Variants in DIAPH3 observed in about 807,000 individuals in gnomAD.
The protein encoded by DIAPH3 is protein diaphanous homolog 3.
Under a neutral mutation model 144.3 loss-of-function variants are expected in DIAPH3, and 117 were observed. That is an observed-to-expected ratio of 0.81 (90% CI 0.70 to 0.95). The LOEUF is 0.95. Among genes scored for constraint, DIAPH3 ranks in the 40% least tolerant of loss-of-function variants. The probability of loss-of-function intolerance (pLI) is 0.00; values close to 1 mark genes in which losing one functional copy is unlikely to be tolerated. For synonymous variants in DIAPH3, 519 were observed against 488.9 expected, an observed-to-expected ratio of 1.06 and a Z score of -0.81; for missense variants, 1,421 against 1,412.7, an observed-to-expected ratio of 1.01 and a Z score of -0.09.
chr13:60,118,488 C>T (rs562065192), intron 2 of DIAPH3, among the ~76,000 whole-genome samples: 2 of 152,112 alleles, frequency 1.3e-5, no homozygotes, highest in East Asian at 3.8e-4. Flanking sequence ...ATTAAGCAAA[C>T]AAAAATTCCT....
At chr13:60,018,347 T>C (rs888817146) in intron 5 of DIAPH3, among the ~76,000 whole-genome samples, 2 of 152,176 alleles carry the variant, frequency 1.3e-5, no homozygotes, top group African/African-American at 4.8e-5. Context: ...AAAGACTTTG[T>C]TACACTTAAT....
intron 17 of DIAPH3, among the ~76,000 whole-genome samples, chr13:59,945,943 A>T (rs1332784508): frequency 6.6e-6 from 1 of 152,218 alleles, no homozygotes; most frequent in Non-Finnish European, 1.5e-5. Context: ...CGAAGAAAAA[A>T]TGAAGACGAA....
At chr13:59,723,375 C>G (rs1337926738) in intron 27 of DIAPH3, among the ~76,000 whole-genome samples, 1 of 152,156 alleles carries the variant, frequency 6.6e-6, no homozygotes, top group Non-Finnish European at 1.5e-5. Flanking sequence ...CATGCTACAT[C>G]TGCTCCTGCT....
chr13:59,740,542 G>C (rs2036392412), intron 27 of DIAPH3, among the ~76,000 whole-genome samples: 1 of 152,160 alleles, frequency 6.6e-6, no homozygotes, highest in African/African-American at 2.4e-5. Context: ...CTAACACCAA[G>C]CACGAAGTTC....
At chr13:59,724,094 C>A (rs1250650595) in intron 27 of DIAPH3, among the ~76,000 whole-genome samples, 2 of 151,510 alleles carry the variant, frequency 1.3e-5, no homozygotes, top group South Asian at 4.2e-4. Flanking sequence ...CAAGACTTGG[C>A]AAAATAAAAT....
chr13:59,690,153 C>G (rs1272917803), intron 27 of DIAPH3, among the ~76,000 whole-genome samples: 1 of 152,088 alleles, frequency 6.6e-6, no homozygotes, highest in Non-Finnish European at 1.5e-5. Flanking sequence ...TTATTTTTCA[C>G]TCCATTAAAA....
At chr13:60,142,553 G>A (rs1221137821) in intron 1 of DIAPH3, among the ~76,000 whole-genome samples, 1 of 152,118 alleles carries the variant, frequency 6.6e-6, no homozygotes, top group Non-Finnish European at 1.5e-5. Context: ...ACCCTAAGGA[G>A]TCCCCCCAAG....
At chr13:60,054,965 T>C (rs1473333902) in intron 4 of DIAPH3, among the ~76,000 whole-genome samples, 2 of 151,946 alleles carry the variant, frequency 1.3e-5, no homozygotes, top group African/African-American at 2.4e-5. Flanking sequence ...CTGAAGAATA[T>C]TGCAGAAAGG....
At chr13:59,669,419 T>C (rs1593541595) in intron 27 of DIAPH3, among the ~76,000 whole-genome samples, 1 of 152,132 alleles carries the variant, frequency 6.6e-6, no homozygotes, top group African/African-American at 2.4e-5. Flanking sequence ...AACTCACTCA[T>C]AGAGGTGATC....
chr13:60,003,636 C>T (rs1477156915), intron 9 of DIAPH3, among the ~76,000 whole-genome samples: 3 of 151,826 alleles, frequency 2.0e-5, no homozygotes, highest in East Asian at 1.9e-4. Flanking sequence ...TGCAGTGGCG[C>T]GATCTCGGCT....
In DIAPH3 at chr13:59,969,289, T is replaced by TA. The variant is rs202199390; in HGVS notation, c.2074+654dup. 7.7e-3 allele frequency among the ~76,000 whole-genome samples: 1,176 copies of TA among 152,290 alleles called. 17 individuals are homozygous for TA. Among genetic ancestry groups the TA allele is most frequent in the African/African-American group, 0.026 (1,092 of 41,552 alleles). ...GAAAAGATCATATAACCTACTCAGA[T>TA]ACTTCTCTTTCAAGCTAACTTTGAA... On this transcript the variant is annotated intron_variant, in intron 17 of 27. Coordinates refer to ENST00000400324, the MANE Select transcript of DIAPH3 (RefSeq NM_001042517.2).
chr13:59,797,910 G>C (rs143939674), intron 25 of DIAPH3, among the ~76,000 whole-genome samples: 1 of 152,254 alleles, frequency 6.6e-6, no homozygotes, highest in African/African-American at 2.4e-5. Flanking sequence ...CTCTATGAAA[G>C]AAGTTAATAG....
chr13:59,774,946 T>C, intron 25 of DIAPH3, 123 bp from the exon 26 acceptor site: 1 of 775,256 alleles, frequency 1.3e-6, no homozygotes, highest in Admixed American at 2.0e-5. Flanking sequence ...AGGACTAAGC[T>C]AGCAATTTCA....
chr13:59,789,957 T>G (rs1164393043), intron 25 of DIAPH3, among the ~76,000 whole-genome samples: 1 of 152,182 alleles, frequency 6.6e-6, no homozygotes, highest in African/African-American at 2.4e-5. Flanking sequence ...TTTAGATGAA[T>G]TGATTTTGAG....
intron 2 of DIAPH3, among the ~76,000 whole-genome samples, chr13:60,130,320 A>T (rs1251521939): frequency 5.3e-5 from 8 of 152,220 alleles, no homozygotes; most frequent in African/African-American, 1.9e-4. Context: ...CCTGGACTAA[A>T]TTCTGGGCCT....
At chr13:59,838,651 C>A (rs980545431) in intron 23 of DIAPH3, 3 of 152,120 alleles carry the variant, frequency 2.0e-5, no homozygotes, top group African/African-American at 7.2e-5. Context: ...TCAAAGGTAT[C>A]TAAATCACAT....
Position 60,016,174 on chromosome 13 carries a change from A to T in DIAPH3, c.627-29T>A, listed in dbSNP as rs201632241. The T allele has an allele frequency of 1.9e-5, 31 of 1,598,214 alleles. No individual in the cohort carries two copies. The African/African-American group carries it at 3.7e-4, about 19-fold the overall frequency. On this transcript the variant is annotated intron_variant, in intron 5 of 27. Coordinates refer to ENST00000400324, the MANE Select transcript of DIAPH3 (RefSeq NM_001042517.2). Reference sequence around the variant, plus strand: ...AAAAACAGAAAAAAGACAGTTACACATTGTCAGTAACGCAGCTTGTGTTAT... The same window carrying T: ...AAAAACAGAAAAAAGACAGTTACACTTTGTCAGTAACGCAGCTTGTGTTAT...
chr13:59,854,691 C>G (rs2139880251), intron 22 of DIAPH3, among the ~76,000 whole-genome samples: 1 of 152,256 alleles, frequency 6.6e-6, no homozygotes, highest in South Asian at 2.1e-4. Flanking sequence ...TAAGAGAGTT[C>G]TAAAACCTTG....
Position 59,801,669 on chromosome 13 carries a change from T to C in DIAPH3, c.3163+9119A>G, listed in dbSNP as rs140989062. Among the ~76,000 whole-genome samples the C allele has an allele frequency of 5.1e-3, 772 of 152,334 alleles. 3 individuals carry two copies. Among genetic ancestry groups the C allele is most frequent in the South Asian group, 0.031 (152 of 4,830 alleles). ...CTATGCTAGTCTGTCATATTCTTCC[T>C]GCCTTGGGGCATTCTAGCCTGTGTT... On this transcript the variant is annotated intron_variant, in intron 25 of 27. Transcript: ENST00000400324.
Sources: allele counts gnomAD v4.1 joint callset (sites outside exome capture counted in the v4.1 genomes callset), GRCh38; gene constraint gnomAD v4.1.1; transcripts MANE v1.5; gene names NCBI Gene and HGNC (gene_info 2026-07-23, HGNC 2026-07-21).